The following DLG5 variants were observed in gnomAD, a reference collection of about 807,000 sequenced individuals.
DLG5 encodes the protein discs large MAGUK scaffold protein 5, also known as disks large homolog 5.
A neutral mutation model predicts 189.8 loss-of-function variants in DLG5; 48 were observed. The observed-to-expected ratio is 0.25, with a 90% CI of 0.20 to 0.32. The LOEUF (loss-of-function observed/expected upper bound fraction) is 0.32. DLG5 is among the 10% of genes least tolerant of loss of function. DLG5 has a pLI of 1.00. For synonymous variants in DLG5, 1,016 were observed against 1,054.1 expected (o/e 0.96, Z 0.70); for missense variants, 2,160 against 2,544.7 (o/e 0.85, Z 3.25).
In DLG5 at chr10:77,926,011, G is replaced by A. The variant is rs576570071; in HGVS notation, c.304+206C>T. ...TGAGAGTGAAGGCCTTCAGCGGGGGGCATTGTTCACAGCGAACGGCGGGAC... is the reference window on the plus strand; with the variant it reads ...TGAGAGTGAAGGCCTTCAGCGGGGGACATTGTTCACAGCGAACGGCGGGAC... On this transcript the variant is annotated intron_variant, in intron 1 of 31. Transcript: ENST00000372391. The surrounding 1 kb of genome is among the most constrained non-coding windows in gnomAD (Gnocchi z 5.2). Among the ~76,000 whole-genome samples, 1 of 152,348 alleles carries A rather than the reference G, an allele frequency of 6.6e-6. No homozygotes were observed. The highest frequency in any genetic ancestry group is 6.5e-5 in the Admixed American group (1 of 15,308).
chr10:77,830,657 G>A (rs1022719726), intron 10 of DLG5, 84 bp downstream of exon 10: 31 of 1,555,580 alleles, frequency 2.0e-5, no homozygotes, highest in Non-Finnish European at 2.5e-5. Flanking sequence ...TTGGAGTGGT[G>A]AAACTGGGAG....
intron 1 of DLG5, among the ~76,000 whole-genome samples, chr10:77,921,022 T>C (rs2278219): frequency 0.1 from 15,236 of 152,154 alleles, 1,543 homozygotes; most frequent in East Asian, 0.26. Context: ...CAAATGACTC[T>C]GCCACTTCCT....
In DLG5 at chr10:77,825,249, G is replaced by A. The variant is rs1179474540; in HGVS notation, c.2290-773C>T. Among the ~76,000 whole-genome samples the A allele has an allele frequency of 2.0e-5, 3 of 152,182 alleles. No homozygotes were observed. In the East Asian group the frequency reaches 5.8e-4, roughly 29 times the overall value. ...AAATCAGCTGCCAGGGGGCAGGGAT[G>A]GGAGGGAGCAGGGGGTGTTACTACA... On this transcript the variant is annotated intron_variant, in intron 13 of 31. Transcript: ENST00000372391.
intron 1 of DLG5, among the ~76,000 whole-genome samples, chr10:77,905,259 C>G (rs1427127046): frequency 6.6e-6 from 1 of 152,160 alleles, no homozygotes; most frequent in Non-Finnish European, 1.5e-5. Flanking sequence ...CCTCGGCCTC[C>G]AAAAGTGCTG....
At chr10:77,869,002 C>T (rs1589236888) in intron 2 of DLG5, 127 bp downstream of exon 2, 7 of 756,730 alleles carry the variant, frequency 9.3e-6, no homozygotes, top group Admixed American at 7.7e-5. Flanking sequence ...ATGAAATCAA[C>T]GGAAGGATGA....
At chr10:77,878,222 G>A (rs544014443) in intron 1 of DLG5, among the ~76,000 whole-genome samples, 7 of 152,338 alleles carry the variant, frequency 4.6e-5, no homozygotes, top group African/African-American at 1.4e-4. Context: ...CAGGCTCTGC[G>A]TCAGACCGGC....
Position 77,853,501 on chromosome 10 carries a change from C to A in DLG5, c.717G>T (p.Arg239=). 8 of 1,610,404 alleles carry A rather than the reference C, an allele frequency of 5.0e-6. No individual in the cohort carries two copies. Among genetic ancestry groups the A allele is most frequent in the Non-Finnish European group, 6.8e-6 (8 of 1,178,694 alleles). The change falls in exon 5 of 32, where the codon CGG becomes CGT. Residue 239 remains arginine, a synonymous_variant. Coordinates refer to ENST00000372391, the MANE Select transcript of DLG5 (RefSeq NM_004747.4). ...LHSRLLSDQT[R]LKDDVDMLRR... ...TCAGCATGTCCACGTCATCCTTCAG[C>A]CGAGTCTGGTCACTCAGGAGCCGGC...
At chr10:77,892,136 G>A (rs564169376) in intron 1 of DLG5, among the ~76,000 whole-genome samples, 1 of 152,246 alleles carries the variant, frequency 6.6e-6, no homozygotes, top group Non-Finnish European at 1.5e-5. Context: ...GGATGCCCCA[G>A]CTTCCCGGGA....
chr10:77,910,365 A>G (rs1564591824), intron 1 of DLG5, among the ~76,000 whole-genome samples: 1 of 152,240 alleles, frequency 6.6e-6, no homozygotes, highest in African/African-American at 2.4e-5. Flanking sequence ...AAAGATAAAT[A>G]TCAATTGCAG....
rs915456516 is a variant in DLG5, at chr10:77,834,907, A to G, written c.1622+831T>C. Among the ~76,000 whole-genome samples the G allele has an allele frequency of 3.9e-5, 6 of 152,202 alleles. No homozygotes were observed. The East Asian group carries it at 1.2e-3, about 29-fold the overall frequency. Reference sequence around the variant, plus strand: ...CATCCTCATCTCCTGACCAGCCCCTAGAGACATTGGTCTCTCCCCTGACAA... The same window carrying G: ...CATCCTCATCTCCTGACCAGCCCCTGGAGACATTGGTCTCTCCCCTGACAA... On this transcript the variant is annotated intron_variant, in intron 8 of 31. Transcript: ENST00000372391.
At chr10:77,797,452 G>T (rs1038053775) in intron 27 of DLG5, among the ~76,000 whole-genome samples, 1 of 152,318 alleles carries the variant, frequency 6.6e-6, no homozygotes, top group East Asian at 1.9e-4. Flanking sequence ...AGTCACAACA[G>T]AGCAACACAT....
chr10:77,809,431 G>T, intron 24 of DLG5, 116 bp downstream of exon 24: 1 of 1,202,832 alleles, frequency 8.3e-7, no homozygotes, highest in Non-Finnish European at 1.2e-6. Context: ...AGTCAGCCCT[G>T]ACTGGCTCAC....
intron 1 of DLG5, among the ~76,000 whole-genome samples, chr10:77,896,019 G>A (rs905565027): frequency 1.8e-4 from 28 of 152,116 alleles, no homozygotes; most frequent in African/African-American, 6.3e-4. Flanking sequence ...AATTAGCCAG[G>A]CGTGGTGATG....
At chr10:77,825,966 C>G (rs1842616401) in intron 13 of DLG5, among the ~76,000 whole-genome samples, 1 of 152,220 alleles carries the variant, frequency 6.6e-6, no homozygotes, top group South Asian at 2.1e-4. Context: ...TTCATAGTGG[C>G]CATATAGCTT....
At chr10:77,842,891 GC>G (rs1843495534) in intron 6 of DLG5, among the ~76,000 whole-genome samples, 1 of 152,184 alleles carries the variant, frequency 6.6e-6, no homozygotes, top group Non-Finnish European at 1.5e-5. Flanking sequence ...GTTCAACCTG[GC>G]AATGCTCAAA....
chr10:77,853,523 C>A lies in DLG5; in HGVS notation c.695G>T (p.Arg232Leu), dbSNP rs769186746. Residue 232 changes from arginine to leucine, a missense_variant, in exon 5 of 32, where the codon CGG (arginine) becomes CTG (leucine). Arg to Leu is a moderately radical substitution (Grantham distance 102). Around this residue, in one of 5 missense-constraint regions of DLG5, gnomAD observed 664 missense variants for 838.5 expected, o/e 0.79. Transcript: ENST00000372391. ...CAGCCGAGTCTGGTCACTCAGGAGC[C>A]GGCTGTGGAGTGTGCTGAAACACCC... is the stretch of plus-strand genomic sequence containing the variant. ...ETDFYHTLHS[R>L]LLSDQTRLKD... 1 of 1,604,962 alleles carries A rather than the reference C, an allele frequency of 6.2e-7. No individual in the cohort carries two copies. Among genetic ancestry groups the A allele is most frequent in the Non-Finnish European group, 8.5e-7 (1 of 1,176,030 alleles).
chr10:77,873,753 C>A (rs1316785349), intron 1 of DLG5, among the ~76,000 whole-genome samples: 2 of 152,144 alleles, frequency 1.3e-5, no homozygotes, highest in Non-Finnish European at 2.9e-5. Flanking sequence ...TGAACCAGCA[C>A]ACAGAGTTCT....
intron 1 of DLG5, among the ~76,000 whole-genome samples, chr10:77,904,761 C>T (rs1375275117): frequency 2.3e-5 from 3 of 129,650 alleles, no homozygotes; most frequent in Non-Finnish European, 4.7e-5. Flanking sequence ...ACATCCTGTT[C>T]TTCCAAATAA....
intron 9 of DLG5, among the ~76,000 whole-genome samples, chr10:77,832,160 A>G (rs983457165): frequency 1.3e-5 from 2 of 152,212 alleles, no homozygotes; most frequent in African/African-American, 4.8e-5. Flanking sequence ...GTAAGCAAAG[A>G]CTATACCACT....
Sources: allele counts gnomAD v4.1 joint callset (sites outside exome capture counted in the v4.1 genomes callset), GRCh38; gene constraint gnomAD v4.1.1; regional missense constraint gnomAD v4.1.1; non-coding constraint Gnocchi (gnomAD v3.1); transcripts MANE v1.5; gene names NCBI Gene and HGNC (gene_info 2026-07-23, HGNC 2026-07-21).